CTNNA3: variants seen among roughly 807,000 people sequenced by gnomAD.
CTNNA3 encodes the protein catenin alpha-3.
CTNNA3 carries 76 observed loss-of-function variants against 95.7 expected under a neutral mutation model. The observed-to-expected ratio is 0.79, with a 90% CI of 0.66 to 0.96. CTNNA3 has a LOEUF of 0.96. Among genes scored for constraint, CTNNA3 ranks in the 40% least tolerant of loss-of-function variants. The pLI is 0.00. For missense variants in CTNNA3, 1,191 were observed against 1,089.8 expected (o/e 1.09, Z -1.31); for synonymous variants, 431 against 374.4 (o/e 1.15, Z -1.74).
At chr10:67,636,132 G>C (rs1284307402) in intron 2 of CTNNA3, among the ~76,000 whole-genome samples, 1 of 152,044 alleles carries the variant, frequency 6.6e-6, no homozygotes, top group Non-Finnish European at 1.5e-5. Context: ...CCTTCTTCAA[G>C]GAGAACTACA....
At chr10:66,848,990 G>A (rs77441652) in intron 7 of CTNNA3, among the ~76,000 whole-genome samples, 5,495 of 152,226 alleles carry the variant, frequency 0.036, 334 homozygotes, top group African/African-American at 0.13. Context: ...AAGAATGAAC[G>A]AATTAGAAGG....
At chr10:66,479,708 C>CA (rs1217807890) in intron 11 of CTNNA3, among the ~76,000 whole-genome samples, 1 of 151,906 alleles carries the variant, frequency 6.6e-6, no homozygotes, top group African/African-American at 2.4e-5. Context: ...TGTGGTAAGA[C>CA]AAGAGTACGG....
chr10:66,747,547 T>G (rs1231897698), intron 9 of CTNNA3, among the ~76,000 whole-genome samples: 1 of 152,206 alleles, frequency 6.6e-6, no homozygotes, highest in African/African-American at 2.4e-5. Context: ...AACTGACCTA[T>G]GCACGTCACT....
chr10:66,104,607 T>C (rs1294301463), intron 13 of CTNNA3, among the ~76,000 whole-genome samples: 1 of 152,224 alleles, frequency 6.6e-6, no homozygotes, highest in East Asian at 1.9e-4. Context: ...CCATCCTCCC[T>C]GCTTCTGAGT....
At chr10:67,277,557 C>T (rs75047884) in intron 5 of CTNNA3, among the ~76,000 whole-genome samples, 7,050 of 152,084 alleles carry the variant, frequency 0.046, 219 homozygotes, top group South Asian at 0.094. Flanking sequence ...AGGCTGAGAC[C>T]TACTAGGCTG....
At chr10:65,955,661 A>G (rs969040140) in intron 17 of CTNNA3, among the ~76,000 whole-genome samples, 1 of 152,020 alleles carries the variant, frequency 6.6e-6, no homozygotes, top group Admixed American at 6.6e-5. Flanking sequence ...AGTTTTTGCC[A>G]TTGGTTCTGT....
chr10:66,059,080 G>T (rs1013560096), intron 15 of CTNNA3, among the ~76,000 whole-genome samples: 3 of 151,732 alleles, frequency 2.0e-5, no homozygotes, highest in Non-Finnish European at 4.4e-5. Flanking sequence ...TAACAAAGAG[G>T]TTTTCAGCTG....
intron 9 of CTNNA3, among the ~76,000 whole-genome samples, chr10:66,641,293 A>G (rs1014779533): frequency 6.6e-6 from 1 of 152,160 alleles, no homozygotes; most frequent in African/African-American, 2.4e-5. Context: ...CAATCTTGTG[A>G]CACTTCTTTG....
intron 1 of CTNNA3, among the ~76,000 whole-genome samples, chr10:67,701,357 G>A (rs1841037924): frequency 6.6e-6 from 1 of 152,154 alleles, no homozygotes; most frequent in Non-Finnish European, 1.5e-5. Flanking sequence ...AGGAAAAAAT[G>A]GTAAGGGCAG....
At position 67,241,747 on chromosome 10, in the gene CTNNA3, T is replaced by G. The variant is rs569491550; in HGVS notation, c.580-21877A>C. On this transcript the variant is annotated intron_variant, in intron 5 of 17. Transcript: ENST00000433211. The stretch of plus-strand genomic sequence containing the variant: ...TTCCAGCCATTCTTCCACAAGGAGT[T>G]CTATGAGAAATCATAAAAAGCGGTA... Among the ~76,000 whole-genome samples the G allele has an allele frequency of 1.0e-3, 155 of 152,360 alleles. 1 individual carries two copies. The highest frequency in any genetic ancestry group is 3.7e-3 in the African/African-American group (152 of 41,588).
chr10:67,135,844 C>A (rs1860277691), intron 7 of CTNNA3, among the ~76,000 whole-genome samples: 1 of 152,172 alleles, frequency 6.6e-6, no homozygotes, highest in African/African-American at 2.4e-5. Context: ...TTAACTCATT[C>A]AAATTTCTTT....
chr10:66,908,683 T>A (rs12243122), intron 7 of CTNNA3, among the ~76,000 whole-genome samples: 20,892 of 151,862 alleles, frequency 0.14, 1,634 homozygotes, highest in African/African-American at 0.22. Flanking sequence ...TGTTTTTTTT[T>A]AAAAAAATTC....
rs1218884369 is a variant in CTNNA3, at chr10:67,585,255, T to G, written c.292+21602A>C. Among the ~76,000 whole-genome samples the G allele has an allele frequency of 2.6e-5, 4 of 152,222 alleles. No individual in the cohort carries two copies. The East Asian group carries it at 7.7e-4, about 29-fold the overall frequency. ...TGGGTTCAGTTTGCTAGAATTTTGT[T>G]CAGGATTTTTGCATCTCTGTTCATC... is the stretch of plus-strand genomic sequence containing the variant. On this transcript the variant is annotated intron_variant, in intron 3 of 17. Coordinates refer to ENST00000433211, the MANE Select transcript of CTNNA3 (RefSeq NM_013266.4).
intron 13 of CTNNA3, among the ~76,000 whole-genome samples, chr10:66,168,152 T>A (rs1039992859): frequency 6.6e-6 from 1 of 152,210 alleles, no homozygotes; most frequent in Non-Finnish European, 1.5e-5. Flanking sequence ...AATATATAAC[T>A]GTGAGCTGTC....
At chr10:66,993,506 T>C (rs10740265) in intron 7 of CTNNA3, among the ~76,000 whole-genome samples, 71,273 of 151,878 alleles carry the variant, frequency 0.47, 17,247 homozygotes, top group African/African-American at 0.55. Context: ...GCCTTATCAT[T>C]TCATTAGGCT....
intron 5 of CTNNA3, among the ~76,000 whole-genome samples, chr10:67,383,592 A>G (rs1844029774): frequency 6.6e-6 from 1 of 152,034 alleles, no homozygotes; most frequent in Non-Finnish European, 1.5e-5. Flanking sequence ...CAGAATCACA[A>G]CTAGAATGTG....
intron 5 of CTNNA3, among the ~76,000 whole-genome samples, chr10:67,249,534 G>T (rs1297343893): frequency 6.6e-6 from 1 of 151,628 alleles, no homozygotes; most frequent in Non-Finnish European, 1.5e-5. Context: ...TTTACTATAG[G>T]CTAATTGATA....
intron 5 of CTNNA3, among the ~76,000 whole-genome samples, chr10:67,302,806 A>G (rs1365884674): frequency 6.6e-6 from 1 of 152,226 alleles, no homozygotes; most frequent in Non-Finnish European, 1.5e-5. Context: ...CATTTTTGGT[A>G]AAGTGGGAAA....
chr10:67,659,599 G>C (rs1303217804), intron 1 of CTNNA3, among the ~76,000 whole-genome samples: 1 of 152,140 alleles, frequency 6.6e-6, no homozygotes, highest in Non-Finnish European at 1.5e-5. Context: ...AGTCAAAGAA[G>C]AAGCTAATCT....
Sources: allele counts gnomAD v4.1 joint callset (sites outside exome capture counted in the v4.1 genomes callset), GRCh38; gene constraint gnomAD v4.1.1; transcripts MANE v1.5; gene names NCBI Gene and HGNC (gene_info 2026-07-23, HGNC 2026-07-21).